Variants in FRA10AC1 observed in about 807,000 individuals in gnomAD.
The protein encoded by FRA10AC1 is FRA10A associated CGG repeat 1.
FRA10AC1 carries 43 observed loss-of-function variants against 56.5 expected under a neutral mutation model. The ratio of observed to expected loss-of-function variants is 0.76; its 90% CI spans 0.60 to 0.98. The LOEUF (loss-of-function observed/expected upper bound fraction) is 0.98, where lower values mean the gene tolerates loss of function less well. Among genes scored for constraint, FRA10AC1 ranks in the 50% least tolerant of loss-of-function variants. The probability of loss-of-function intolerance (pLI) is 0.00; values close to 1 mark genes in which losing one functional copy is unlikely to be tolerated. For missense variants in FRA10AC1, 346 were observed against 351.8 expected, an observed-to-expected ratio of 0.98 and a Z score of 0.13; for synonymous variants, 112 against 110.5, an observed-to-expected ratio of 1.01 and a Z score of -0.09.
At position 93,676,693 on chromosome 10, in the gene FRA10AC1, T is replaced by C; in HGVS notation, c.788-2A>G. 1 of 1,569,212 alleles carries C rather than the reference T, an allele frequency of 6.4e-7. No homozygotes were observed. The highest frequency in any genetic ancestry group is 8.6e-7 in the Non-Finnish European group (1 of 1,161,996). ...CAGATTTCTTTGAAGATGAATGTCCTGAAAAGGAAACATCATTGATTTATT... is the reference window on the plus strand; with the variant it reads ...CAGATTTCTTTGAAGATGAATGTCCCGAAAAGGAAACATCATTGATTTATT... On this transcript the variant is annotated splice_acceptor_variant, in intron 11 of 13. Coordinates refer to ENST00000359204, the MANE Select transcript of FRA10AC1 (RefSeq NM_145246.5). LOFTEE classifies it high-confidence loss of function.
At chr10:93,686,966 G>A (rs1168800491) in intron 8 of FRA10AC1, among the ~76,000 whole-genome samples, 1 of 151,812 alleles carries the variant, frequency 6.6e-6, no homozygotes, top group Non-Finnish European at 1.5e-5. Flanking sequence ...TTCCAAAAAT[G>A]AGTACTAGCC....
chr10:93,697,958 C>T (rs1056558053), intron 4 of FRA10AC1, among the ~76,000 whole-genome samples, 178 bp downstream of exon 4: 1 of 151,904 alleles, frequency 6.6e-6, no homozygotes, highest in African/African-American at 2.4e-5. Flanking sequence ...TAAATCTTTC[C>T]TATATATTAG....
intron 8 of FRA10AC1, among the ~76,000 whole-genome samples, chr10:93,686,375 T>C (rs1477715695): frequency 6.6e-6 from 1 of 151,864 alleles, no homozygotes; most frequent in African/African-American, 2.4e-5. Context: ...CTTTCCTAAC[T>C]AGTCTTTTAT....
chr10:93,693,789 C>T (rs2059183293), intron 5 of FRA10AC1, among the ~76,000 whole-genome samples: 1 of 150,456 alleles, frequency 6.6e-6, no homozygotes, highest in South Asian at 2.1e-4. Flanking sequence ...TTGGATGGAG[C>T]TGGAGGCCAT....
In FRA10AC1 at chr10:93,668,837, C is replaced by A. The variant is rs1219795887; in HGVS notation, c.*989G>T. The A allele has an allele frequency of 6.6e-6, 1 of 152,150 alleles. No homozygotes were observed. Among genetic ancestry groups the A allele is most frequent in the African/African-American group, 2.4e-5 (1 of 41,434 alleles). The allele number at this position is 152,150 out of a possible 1,614,324, so 9.4% of individuals were successfully genotyped here. On this transcript the variant is annotated 3_prime_UTR_variant, in exon 14 of 14. Coordinates refer to ENST00000359204, the MANE Select transcript of FRA10AC1 (RefSeq NM_145246.5). ...AAAATGTGGGAATTATGGGAGTACA[C>A]ATTCAAGATGAGATTTGGGTGGGGA...
chr10:93,684,659 A>C (rs1046217824), intron 9 of FRA10AC1, among the ~76,000 whole-genome samples: 1 of 152,168 alleles, frequency 6.6e-6, no homozygotes, highest in Non-Finnish European at 1.5e-5. Context: ...CTCTGAAGGC[A>C]CATTTACTTA....
intron 6 of FRA10AC1, 146 bp from the exon 7 acceptor site, chr10:93,692,239 T>C (rs1251595068): frequency 1.7e-6 from 1 of 596,658 alleles, no homozygotes; most frequent in African/African-American, 2.0e-5. Context: ...ATCTGGATAT[T>C]AACTATTAAA....
rs558761294 is a variant in FRA10AC1 at position 93,690,455 on chromosome 10, T to A, written c.465+1554A>T. 5.3e-5 allele frequency among the ~76,000 whole-genome samples: 8 copies of A among 152,322 alleles called. No individual in the cohort carries two copies. In the South Asian group the frequency reaches 1.5e-3, roughly 28 times the overall value. Reference sequence around the variant, plus strand: ...AAATTGAGAACTCAAATATTTAATTTTTATTTATGTATATTTTCTCCCCTC... The same window carrying A: ...AAATTGAGAACTCAAATATTTAATTATTATTTATGTATATTTTCTCCCCTC... On this transcript the variant is annotated intron_variant, in intron 7 of 13. Coordinates refer to ENST00000359204, the MANE Select transcript of FRA10AC1 (RefSeq NM_145246.5).
At position 93,681,502 on chromosome 10, in the gene FRA10AC1, C is replaced by T. The variant is rs2133908692; in HGVS notation, c.765G>A (p.Glu255=). ...TACCTTTATCTTTTTTCTTGGAGGC[C>T]TCTTCTGCAGAAGATAATCTGGATT... is the stretch of plus-strand genomic sequence containing the variant. ...HKKSRLSSAE[E]ASKKKDKGHS... is the part of the protein sequence containing the mutation. The change falls in exon 11 of 14, where the codon GAG becomes GAA. Residue 255 remains glutamate (E), a synonymous_variant. Transcript: ENST00000359204. The T allele has an allele frequency of 1.3e-6, 2 of 1,575,198 alleles. No homozygotes were observed. Among genetic ancestry groups the T allele is most frequent in the East Asian group, 4.6e-5 (2 of 43,330 alleles).
At position 93,700,087 on chromosome 10, in the gene FRA10AC1, T is replaced by C. The variant is rs1252809933; in HGVS notation, c.20A>G (p.Tyr7Cys). Residue 7 changes from tyrosine (Y) to cysteine (C), a missense_variant, in exon 2 of 14, where the codon TAT becomes TGT. Tyr to Cys is a radical substitution (Grantham distance 194). Coordinates refer to ENST00000359204, the MANE Select transcript of FRA10AC1 (RefSeq NM_145246.5). ...TTCATCATCACTAAAATCAGAATCA[T>C]AGCCTCCATGACCATGCATCTGTAA... MHGHGG[Y>C]DSDFSDDERC... The C allele has an allele frequency of 1.9e-6, 3 of 1,600,498 alleles. No individual in the cohort carries two copies. The highest frequency in any genetic ancestry group is 2.6e-6 in the Non-Finnish European group (3 of 1,169,092).
intron 7 of FRA10AC1, among the ~76,000 whole-genome samples, chr10:93,690,697 A>T (rs1402187920): frequency 6.6e-6 from 1 of 152,226 alleles, no homozygotes; most frequent in Non-Finnish European, 1.5e-5. Flanking sequence ...ACATGCTCCT[A>T]GAAAGACATA....
At chr10:93,690,022 A>G (rs1257433161) in intron 7 of FRA10AC1, among the ~76,000 whole-genome samples, 3 of 152,206 alleles carry the variant, frequency 2.0e-5, no homozygotes, top group African/African-American at 7.2e-5. Context: ...GCAATAAAGA[A>G]AGGAATAGGA....
chr10:93,672,525 G>C (rs984473059), intron 12 of FRA10AC1: 1 of 153,026 alleles, frequency 6.5e-6, no homozygotes, highest in South Asian at 2.1e-4. Context: ...TATTACTATT[G>C]TATTACTCTG....
In FRA10AC1 at chr10:93,670,839, T is replaced by A; in HGVS notation, c.836A>T (p.Asp279Val). The change falls in exon 13 of 14, where the codon GAT becomes GTT. Residue 279 changes from aspartate to valine, a missense_variant. Transcript: ENST00000359204. ...KSEDSLLRNS[D>V]EEESASESEL... ...AGATTCTGAAGCACTTTCTTCCTCA[T>A]CAGAGTTTCCTGTTCATTTAAAAAA... 3 of 1,609,164 alleles carry A rather than the reference T, an allele frequency of 1.9e-6. No homozygotes were observed. Among genetic ancestry groups the A allele is most frequent in the East Asian group, 2.2e-5 (1 of 44,776 alleles).
At chr10:93,697,008 T>C (rs1179223911) in intron 4 of FRA10AC1, among the ~76,000 whole-genome samples, 1 of 152,136 alleles carries the variant, frequency 6.6e-6, no homozygotes, top group African/African-American at 2.4e-5. Flanking sequence ...CCATGGTACA[T>C]GTATACCCTA....
intron 5 of FRA10AC1, among the ~76,000 whole-genome samples, chr10:93,693,482 G>GTATA (rs777454590): frequency 0.024 from 883 of 36,268 alleles, 36 homozygotes; most frequent in Non-Finnish European, 0.039. Context: ...TGGTGTGTGT[G>GTATA]TATATATATA....
intron 11 of FRA10AC1, among the ~76,000 whole-genome samples, chr10:93,678,291 C>T (rs967746834): frequency 2.6e-5 from 4 of 152,076 alleles, no homozygotes; most frequent in African/African-American, 9.7e-5. Flanking sequence ...TCTCCTCATA[C>T]CTGCCAAAGC....
chr10:93,700,103 G>A lies in FRA10AC1; in HGVS notation c.4C>T (p.His2Tyr), dbSNP rs780617472. The change falls in exon 2 of 14, where the codon CAT (histidine) becomes TAT (tyrosine). Residue 2 changes from histidine (H) to tyrosine (Y), a missense_variant. Physicochemically the swap from His to Tyr is moderately conservative, Grantham distance 83. Transcript: ENST00000359204. M[H>Y]GHGGYDSDFS... ...TCAGAATCATAGCCTCCATGACCAT[G>A]CATCTGTAAAGGAGTACAAAGTCAG... 1 of 1,582,540 alleles carries A rather than the reference G, an allele frequency of 6.3e-7. No homozygotes were observed. Among genetic ancestry groups the A allele is most frequent in the African/African-American group, 1.3e-5 (1 of 74,324 alleles).
intron 8 of FRA10AC1, 45 bp from the exon 9 acceptor site, chr10:93,685,404 A>C (rs1307949642): frequency 2.3e-6 from 2 of 859,858 alleles, no homozygotes; most frequent in African/African-American, 1.7e-5. Flanking sequence ...TGGTGATAAT[A>C]TTTATCTATA....
Sources: gnomAD v4.1 joint callset for allele counts (sites outside exome capture counted in the v4.1 genomes callset) on GRCh38, gnomAD v4.1.1 for gene constraint, MANE v1.5 for transcripts, NCBI Gene and HGNC (gene_info 2026-07-23, HGNC 2026-07-21) for gene names.